The following CNTNAP2 variants were observed in gnomAD, a reference collection of about 807,000 sequenced individuals.
The protein encoded by CNTNAP2 is contactin-associated protein-like 2.
A neutral mutation model predicts 155.2 loss-of-function variants in CNTNAP2; 98 were observed. The observed-to-expected ratio is 0.63, with a 90% CI of 0.54 to 0.75. The LOEUF is 0.75. Ranked by LOEUF, CNTNAP2 falls within the 30% of genes least tolerant of loss-of-function variation. The pLI, the probability that CNTNAP2 is intolerant of heterozygous loss-of-function variation, is 0.00. For synonymous variants in CNTNAP2, 651 were observed against 631.2 expected, an observed-to-expected ratio of 1.03 and a Z score of -0.47; for missense variants, 1,727 against 1,688.1, an observed-to-expected ratio of 1.02 and a Z score of -0.40.
At chr7:147,093,599 A>G (rs890100487) in intron 4 of CNTNAP2, among the ~76,000 whole-genome samples, 1 of 152,172 alleles carries the variant, frequency 6.6e-6, no homozygotes, top group African/African-American at 2.4e-5. Context: ...GAGGACACAA[A>G]CACTCATACC....
intron 1 of CNTNAP2, among the ~76,000 whole-genome samples, chr7:146,700,516 A>G (rs548582452): frequency 6.6e-6 from 1 of 152,204 alleles, no homozygotes; most frequent in South Asian, 2.1e-4. Flanking sequence ...GCTCAATTAT[A>G]CCTAAAGGCA....
intron 1 of CNTNAP2, among the ~76,000 whole-genome samples, chr7:146,514,766 T>C (rs1311915909): frequency 6.6e-6 from 1 of 152,112 alleles, no homozygotes; most frequent in Admixed American, 6.6e-5. Flanking sequence ...TTGTTTCTTA[T>C]ATATGTACAT....
At chr7:146,875,522 C>T (rs1795400520) in intron 3 of CNTNAP2, among the ~76,000 whole-genome samples, 1 of 152,052 alleles carries the variant, frequency 6.6e-6, no homozygotes, top group African/African-American at 2.4e-5. Context: ...CTGTCTTTCT[C>T]AAAAGACCTG....
intron 21 of CNTNAP2, among the ~76,000 whole-genome samples, chr7:148,294,144 G>A (rs547159753): frequency 6.6e-6 from 1 of 150,490 alleles, no homozygotes; most frequent in South Asian, 2.1e-4. Flanking sequence ...GCCATGCCTC[G>A]AGCCCTGAAC....
intron 1 of CNTNAP2, among the ~76,000 whole-genome samples, chr7:146,130,532 T>C (rs1797699112): frequency 6.6e-6 from 1 of 152,218 alleles, no homozygotes. Context: ...TTCAATTATA[T>C]TTAGCTTAGA....
At chr7:147,458,793 T>G (rs1797966036) in intron 10 of CNTNAP2, among the ~76,000 whole-genome samples, 1 of 152,224 alleles carries the variant, frequency 6.6e-6, no homozygotes, top group African/African-American at 2.4e-5. Flanking sequence ...GAAATGAAGG[T>G]CATTTTACGA....
At chr7:147,745,379 G>C (rs1207335984) in intron 13 of CNTNAP2, among the ~76,000 whole-genome samples, 1 of 152,140 alleles carries the variant, frequency 6.6e-6, no homozygotes, top group Non-Finnish European at 1.5e-5. Context: ...AAAGAATATT[G>C]ATGTTAAAAT....
At chr7:147,902,818 G>A (rs866859635) in intron 13 of CNTNAP2, among the ~76,000 whole-genome samples, 44 of 121,442 alleles carry the variant, frequency 3.6e-4, no homozygotes, top group Middle Eastern at 9.0e-3. Flanking sequence ...GTGTGTATGT[G>A]TGTGTGTGTG....
At chr7:146,371,250 TAC>T (rs1795229458) in intron 1 of CNTNAP2, among the ~76,000 whole-genome samples, 1 of 152,078 alleles carries the variant, frequency 6.6e-6, no homozygotes, top group African/African-American at 2.4e-5. Flanking sequence ...AGGCTTTTGC[TAC>T]TTTAACAACA....
Position 147,395,743 on chromosome 7 carries a change from G to A in CNTNAP2, c.1633G>A (p.Ala545Thr), listed in dbSNP as rs747922335. The A allele has an allele frequency of 4.4e-5, 71 of 1,612,252 alleles. No homozygotes were observed. Among genetic ancestry groups the A allele is most frequent in the South Asian group, 7.7e-5 (7 of 91,056 alleles). Reference sequence around the variant, plus strand: ...GGCACAAAGGAAGCCGGGAAGTTTCGCGAATGTCAGCATTGACATGTGTGC... The same window carrying A: ...GGCACAAAGGAAGCCGGGAAGTTTCACGAATGTCAGCATTGACATGTGTGC... ...EVAQRKPGSF[A>T]NVSIDMCAII... The change falls in exon 10 of 24, where the codon GCG becomes ACG. Residue 545 changes from alanine (A) to threonine (T), a missense_variant. By Grantham distance (58) the Ala-to-Thr change is moderately conservative. Coordinates refer to ENST00000361727, the MANE Select transcript of CNTNAP2 (RefSeq NM_014141.6).
chr7:147,552,266 C>T (rs768047508), intron 11 of CNTNAP2, among the ~76,000 whole-genome samples: 1 of 152,060 alleles, frequency 6.6e-6, no homozygotes, highest in African/African-American at 2.4e-5. Context: ...TTTTGAAGCT[C>T]ACATTTTTTA....
intron 1 of CNTNAP2, among the ~76,000 whole-genome samples, chr7:146,252,796 C>G (rs1157956028): frequency 6.6e-6 from 1 of 152,110 alleles, no homozygotes; most frequent in African/African-American, 2.4e-5. Context: ...AAAGTGTCAA[C>G]GGGATAGACA....
intron 14 of CNTNAP2, among the ~76,000 whole-genome samples, chr7:147,968,353 C>T (rs1024820255): frequency 6.6e-6 from 1 of 152,198 alleles, no homozygotes; most frequent in Non-Finnish European, 1.5e-5. Flanking sequence ...TTTCATTTCA[C>T]TGGGGACATA....
chr7:148,072,656 T>C (rs535331730), intron 15 of CNTNAP2, among the ~76,000 whole-genome samples: 34 of 152,374 alleles, frequency 2.2e-4, no homozygotes, highest in African/African-American at 7.5e-4. Context: ...ACAGGTTTTC[T>C]GACCCTCAGC....
intron 13 of CNTNAP2, among the ~76,000 whole-genome samples, chr7:147,813,879 T>C (rs1467706648): frequency 1.3e-5 from 2 of 152,158 alleles, no homozygotes. Flanking sequence ...CTCTCTTCGT[T>C]TTAAAAGAAT....
At chr7:146,678,541 A>C (rs185596542) in intron 1 of CNTNAP2, among the ~76,000 whole-genome samples, 1 of 152,060 alleles carries the variant, frequency 6.6e-6, no homozygotes, top group Admixed American at 6.6e-5. Flanking sequence ...ATTTGCATAT[A>C]TAATTTAGTA....
At chr7:146,758,078 T>C (rs1802023118) in intron 1 of CNTNAP2, among the ~76,000 whole-genome samples, 1 of 152,198 alleles carries the variant, frequency 6.6e-6, no homozygotes, top group Non-Finnish European at 1.5e-5. Context: ...CATTCAGAAA[T>C]CTTTAATTGT....
At chr7:148,192,171 A>G (rs1795209337) in intron 18 of CNTNAP2, among the ~76,000 whole-genome samples, 1 of 152,200 alleles carries the variant, frequency 6.6e-6, no homozygotes, top group African/African-American at 2.4e-5. Flanking sequence ...ATTTTGTTGC[A>G]TGCATGGATT....
chr7:147,812,578 A>G (rs1280851873), intron 13 of CNTNAP2, among the ~76,000 whole-genome samples: 1 of 150,678 alleles, frequency 6.6e-6, no homozygotes, highest in Non-Finnish European at 1.5e-5. Context: ...TTCTACTTTC[A>G]GCTGCCCCCT....
Sources: allele counts gnomAD v4.1 joint callset (sites outside exome capture counted in the v4.1 genomes callset), GRCh38; gene constraint gnomAD v4.1.1; transcripts MANE v1.5; gene names NCBI Gene and HGNC (gene_info 2026-07-23, HGNC 2026-07-21).